KCTD16: variants seen among roughly 807,000 people sequenced by gnomAD.
KCTD16 encodes the protein potassium channel tetramerization domain containing 16, also known as BTB/POZ domain-containing protein KCTD16.
Under a neutral mutation model 33.2 loss-of-function variants are expected in KCTD16, and 13 were observed. The ratio of observed to expected loss-of-function variants is 0.39; its 90% CI spans 0.25 to 0.62. KCTD16 has a LOEUF of 0.62. Ranked by LOEUF, KCTD16 falls within the 20% of genes least tolerant of loss-of-function variation. The pLI is 0.50. For synonymous variants in KCTD16, 197 were observed against 195.3 expected (o/e 1.01, Z -0.07); for missense variants, 441 against 525.1 (o/e 0.84, Z 1.57).
chr5:144,369,154 A>G (rs1580907983), intron 3 of KCTD16, among the ~76,000 whole-genome samples: 1 of 152,118 alleles, frequency 6.6e-6, no homozygotes, highest in Admixed American at 6.5e-5. Context: ...GCACTGCCCC[A>G]TAGGACCGAT....
At chr5:144,365,836 G>A (rs1751820797) in intron 3 of KCTD16, among the ~76,000 whole-genome samples, 1 of 152,176 alleles carries the variant, frequency 6.6e-6, no homozygotes, top group Non-Finnish European at 1.5e-5. Flanking sequence ...TGTGTACCAA[G>A]TTGAACAATT....
rs11325209 is a variant in KCTD16, at chr5:144,365,023, A to AT, written c.833-108624dup. On this transcript the variant is annotated intron_variant, in intron 3 of 3. Coordinates refer to ENST00000512467, the MANE Select transcript of KCTD16 (RefSeq NM_020768.4). ...TTAATACAGAGCAGAGCAAATCCTC[A>AT]TTTTTTTTTTTTTGCTTTTATATCT... Among the ~76,000 whole-genome samples, 220 of 146,524 alleles carry AT rather than the reference A, an allele frequency of 1.5e-3. 4 individuals carry two copies. The East Asian group carries it at 0.026, about 17-fold the overall frequency.
intron 3 of KCTD16, among the ~76,000 whole-genome samples, chr5:144,314,169 G>T (rs1243823975): frequency 1.3e-5 from 2 of 152,026 alleles, no homozygotes; most frequent in Non-Finnish European, 2.9e-5. Context: ...ACAATTAGCA[G>T]GTTTATTAAC....
At chr5:144,442,580 C>A (rs1363692507) in intron 3 of KCTD16, among the ~76,000 whole-genome samples, 2 of 151,146 alleles carry the variant, frequency 1.3e-5, no homozygotes, top group Non-Finnish European at 2.9e-5. Flanking sequence ...TTTCTGCCTC[C>A]CTCCCTTCTT....
intron 3 of KCTD16, among the ~76,000 whole-genome samples, chr5:144,208,536 A>G (rs1362615964): frequency 6.6e-6 from 1 of 152,224 alleles, no homozygotes; most frequent in Non-Finnish European, 1.5e-5. Flanking sequence ...AGTAAATTCC[A>G]CAAGAAATAT....
intron 3 of KCTD16, among the ~76,000 whole-genome samples, chr5:144,303,909 A>G (rs750702006): frequency 2.9e-4 from 44 of 152,218 alleles, no homozygotes; most frequent in Non-Finnish European, 5.0e-4. Flanking sequence ...TGGAGAGTGC[A>G]TATCAACCTG....
chr5:144,230,548 C>A (rs2126812078), intron 3 of KCTD16, among the ~76,000 whole-genome samples: 1 of 151,762 alleles, frequency 6.6e-6, no homozygotes, highest in East Asian at 1.9e-4. Flanking sequence ...AATGTGGGAA[C>A]TATATTTCAA....
At chr5:144,290,729 C>T (rs924893828) in intron 3 of KCTD16, among the ~76,000 whole-genome samples, 2 of 152,156 alleles carry the variant, frequency 1.3e-5, no homozygotes. Flanking sequence ...TTTATTTTCT[C>T]TTAATGCCTG....
In KCTD16 at chr5:144,174,687, G is replaced by A. The variant is rs561104355; in HGVS notation, c.-327+215G>A. Among the ~76,000 whole-genome samples the A allele has an allele frequency of 1.4e-4, 22 of 152,244 alleles. No homozygotes were observed. The South Asian group carries it at 4.1e-3, about 29-fold the overall frequency. ...TAGTTTTGGGAAGACAGGTTTGCCC[G>A]TAATGGCATTGGATGCTTTTGTACA... On this transcript the variant is annotated intron_variant, in intron 2 of 3. Coordinates refer to ENST00000512467, the MANE Select transcript of KCTD16 (RefSeq NM_020768.4).
chr5:144,264,247 A>G (rs1416331951), intron 3 of KCTD16, among the ~76,000 whole-genome samples: 1 of 152,220 alleles, frequency 6.6e-6, no homozygotes, highest in Non-Finnish European at 1.5e-5. Flanking sequence ...CTGTTTGTGT[A>G]TGATCCTGAA....
At chr5:144,381,964 T>C (rs925050819) in intron 3 of KCTD16, among the ~76,000 whole-genome samples, 7 of 151,968 alleles carry the variant, frequency 4.6e-5, no homozygotes, top group African/African-American at 1.7e-4. Context: ...AGCAAAGATA[T>C]GGAATCAACC....
intron 2 of KCTD16, among the ~76,000 whole-genome samples, chr5:144,190,967 C>T (rs1752828741): frequency 6.6e-6 from 1 of 152,200 alleles, no homozygotes; most frequent in African/African-American, 2.4e-5. Context: ...TTCTCATTCT[C>T]TGCTGAAGGT....
chr5:144,346,103 G>A lies in KCTD16; in HGVS notation c.833-127557G>A, dbSNP rs143890017. 4.6e-3 allele frequency among the ~76,000 whole-genome samples: 698 copies of A among 152,144 alleles called. 9 individuals are homozygous for A. Among genetic ancestry groups the A allele is most frequent in the African/African-American group, 0.016 (679 of 41,516 alleles). On this transcript the variant is annotated intron_variant, in intron 3 of 3. Transcript: ENST00000512467. ...AGATCCCACAAATAAGTGGGAACATGCAGTGTTTGCCTTTCTGTGCCTGGC... is the reference window on the plus strand; with the variant it reads ...AGATCCCACAAATAAGTGGGAACATACAGTGTTTGCCTTTCTGTGCCTGGC...
intron 3 of KCTD16, among the ~76,000 whole-genome samples, chr5:144,242,260 C>T (rs1465578192): frequency 6.6e-6 from 1 of 151,666 alleles, no homozygotes; most frequent in Non-Finnish European, 1.5e-5. Context: ...AGACAGAGGT[C>T]ATGTTAGTCT....
intron 3 of KCTD16, among the ~76,000 whole-genome samples, chr5:144,353,959 A>G (rs1470920609): frequency 6.6e-6 from 1 of 152,114 alleles, no homozygotes; most frequent in Non-Finnish European, 1.5e-5. Flanking sequence ...TCCAAGACTT[A>G]TATATCACTA....
chr5:144,471,410 T>C (rs1754470470), intron 3 of KCTD16, among the ~76,000 whole-genome samples: 1 of 152,226 alleles, frequency 6.6e-6, no homozygotes, highest in African/African-American at 2.4e-5. Context: ...ATTTCTTCTC[T>C]TCTTCCTTTT....
chr5:144,380,900 C>G (rs1341930639), intron 3 of KCTD16, among the ~76,000 whole-genome samples: 1 of 152,042 alleles, frequency 6.6e-6, no homozygotes, highest in Non-Finnish European at 1.5e-5. Flanking sequence ...AGACATAGGC[C>G]TTGGCAAAGA....
At chr5:144,198,363 C>G (rs1053408369) in intron 2 of KCTD16, among the ~76,000 whole-genome samples, 1 of 152,044 alleles carries the variant, frequency 6.6e-6, no homozygotes, top group African/African-American at 2.4e-5. Context: ...GGATTTCTTG[C>G]AAATAATTCA....
At chr5:144,303,171 G>A (rs1341537314) in intron 3 of KCTD16, among the ~76,000 whole-genome samples, 1 of 152,170 alleles carries the variant, frequency 6.6e-6, no homozygotes, top group Non-Finnish European at 1.5e-5. Context: ...ACCTCCAAAT[G>A]CAGTCAAATT....
Sources: gnomAD v4.1 joint callset for allele counts (sites outside exome capture counted in the v4.1 genomes callset) on GRCh38, gnomAD v4.1.1 for gene constraint, MANE v1.5 for transcripts, NCBI Gene and HGNC (gene_info 2026-07-23, HGNC 2026-07-21) for gene names.